The following AFF3 variants were observed in gnomAD, a reference collection of about 807,000 sequenced individuals.
The protein encoded by AFF3 is ALF transcription elongation factor 3.
AFF3 carries 32 observed loss-of-function variants against 129.7 expected under a neutral mutation model. The observed-to-expected ratio is 0.25, with a 90% CI of 0.19 to 0.33. The LOEUF is 0.33. Ranked by LOEUF, AFF3 falls within the 10% of genes least tolerant of loss-of-function variation. The pLI is 1.00. For synonymous variants in AFF3, 644 were observed against 635.4 expected (o/e 1.01, Z -0.20); for missense variants, 1,373 against 1,592.0 (o/e 0.86, Z 2.34).
chr2:99,990,303 A>T (rs1254363163), intron 7 of AFF3, among the ~76,000 whole-genome samples: 1 of 152,216 alleles, frequency 6.6e-6, no homozygotes, highest in Non-Finnish European at 1.5e-5. Flanking sequence ...AACAGGATTT[A>T]CAAGTCTCTT....
rs72817057 is a variant in AFF3 at position 99,681,306 on chromosome 2, T to C, written c.1092-8717A>G. Among the ~76,000 whole-genome samples, 354 of 152,344 alleles carry C rather than the reference T, an allele frequency of 2.3e-3. 1 individual carries two copies. The highest frequency in any genetic ancestry group is 2.9e-3 in the African/African-American group (122 of 41,594). On this transcript the variant is annotated intron_variant, in intron 11 of 24. Coordinates refer to ENST00000672756, the MANE Select transcript of AFF3 (RefSeq NM_001386135.1). ...ATGAGACAATAAAGGTGAAAGCCCA[T>C]TGTAAACTGTAAAGCTTCATAGGAG...
chr2:99,940,862 C>T (rs550694114), intron 7 of AFF3, among the ~76,000 whole-genome samples: 8 of 152,212 alleles, frequency 5.3e-5, no homozygotes, highest in Non-Finnish European at 8.8e-5. Flanking sequence ...ACAACAGTGT[C>T]GAAAACCAAA....
intron 11 of AFF3, among the ~76,000 whole-genome samples, chr2:99,675,481 C>T (rs1480900437): frequency 6.6e-6 from 1 of 152,208 alleles, no homozygotes; most frequent in African/African-American, 2.4e-5. Context: ...GAGCAGGAAC[C>T]CTTTGCTTTA....
At chr2:99,553,786 T>A (rs1291337703) in intron 24 of AFF3, among the ~76,000 whole-genome samples, 1 of 151,630 alleles carries the variant, frequency 6.6e-6, no homozygotes, top group Non-Finnish European at 1.5e-5. Flanking sequence ...CGGTGGCACA[T>A]GCCTGTAGTC....
chr2:99,560,881 T>C lies in AFF3; in HGVS notation c.3120-445A>G, dbSNP rs571020517. ...GATTTACCCCTCTTTCTTTGTTATG[T>C]AACTTTTACTTTGACAGCTACATAA... On this transcript the variant is annotated intron_variant, in intron 20 of 24. Coordinates refer to ENST00000672756, the MANE Select transcript of AFF3 (RefSeq NM_001386135.1). Among the ~76,000 whole-genome samples, 5 of 152,378 alleles carry C rather than the reference T, an allele frequency of 3.3e-5. No individual in the cohort carries two copies. The East Asian group carries it at 9.6e-4, about 29-fold the overall frequency.
At chr2:99,721,538 A>AAG (rs397754897) in intron 11 of AFF3, among the ~76,000 whole-genome samples, 3 of 149,954 alleles carry the variant, frequency 2.0e-5, no homozygotes, top group African/African-American at 7.4e-5. Context: ...AAAAAAAAAA[A>AAG]GAAAAAAAAA....
At chr2:99,868,060 TG>T (rs1691580128) in intron 7 of AFF3, among the ~76,000 whole-genome samples, 1 of 151,368 alleles carries the variant, frequency 6.6e-6, no homozygotes, top group Non-Finnish European at 1.5e-5. Flanking sequence ...CTCGTGTACT[TG>T]AAGTATGTCA....
At chr2:100,083,233 A>C (rs1246429710) in intron 4 of AFF3, among the ~76,000 whole-genome samples, 2 of 152,188 alleles carry the variant, frequency 1.3e-5, no homozygotes, top group South Asian at 2.1e-4. Flanking sequence ...AGCAGTTGTG[A>C]CTTGCTACGA....
intron 11 of AFF3, among the ~76,000 whole-genome samples, chr2:99,696,475 C>A (rs1676279496): frequency 1.3e-5 from 2 of 152,168 alleles, no homozygotes; most frequent in Non-Finnish European, 2.9e-5. Flanking sequence ...ACAGTTATAT[C>A]TGCACCCATG....
At chr2:99,628,516 T>C (rs1234486793) in intron 13 of AFF3, among the ~76,000 whole-genome samples, 1 of 152,086 alleles carries the variant, frequency 6.6e-6, no homozygotes, top group African/African-American at 2.4e-5. Flanking sequence ...CAAAGATAAT[T>C]TGACTTCCTC....
chr2:100,013,235 A>G (rs1682703206), intron 4 of AFF3, among the ~76,000 whole-genome samples: 2 of 152,234 alleles, frequency 1.3e-5, no homozygotes, highest in Admixed American at 1.3e-4. Context: ...ACGTCTAAAC[A>G]TGAAACTGTC....
intron 7 of AFF3, among the ~76,000 whole-genome samples, chr2:99,958,750 G>T (rs1676913893): frequency 6.6e-6 from 1 of 152,068 alleles, no homozygotes; most frequent in South Asian, 2.1e-4. Context: ...CGTTTCACTA[G>T]AGGACCTTTC....
chr2:99,874,344 T>C (rs1204158581), intron 7 of AFF3, among the ~76,000 whole-genome samples: 1 of 152,184 alleles, frequency 6.6e-6, no homozygotes, highest in African/African-American at 2.4e-5. Context: ...TGTGTCTGTG[T>C]TCTCAAAATA....
chr2:99,957,961 G>A (rs533143745), intron 7 of AFF3, among the ~76,000 whole-genome samples: 1 of 152,268 alleles, frequency 6.6e-6, no homozygotes, highest in Non-Finnish European at 1.5e-5. Context: ...CTTTGCCACA[G>A]TAATTAAAAC....
At chr2:100,057,509 T>C (rs1414497321) in intron 4 of AFF3, among the ~76,000 whole-genome samples, 2 of 152,292 alleles carry the variant, frequency 1.3e-5, no homozygotes, top group Non-Finnish European at 2.9e-5. Context: ...ACATATCACA[T>C]GATAAATGCT....
At chr2:100,058,880 T>A (rs1335931778) in intron 4 of AFF3, among the ~76,000 whole-genome samples, 3 of 152,192 alleles carry the variant, frequency 2.0e-5, no homozygotes, top group African/African-American at 4.8e-5. Flanking sequence ...AAATCATGTA[T>A]CTGATAAGGG....
chr2:100,023,461 A>G (rs542660178), intron 4 of AFF3, among the ~76,000 whole-genome samples: 6 of 152,290 alleles, frequency 3.9e-5, no homozygotes, highest in Admixed American at 6.5e-5. Context: ...AACATACTAG[A>G]AAATTACTAA....
chr2:99,654,414 A>C (rs1033745000), intron 12 of AFF3, among the ~76,000 whole-genome samples: 6 of 152,198 alleles, frequency 3.9e-5, no homozygotes, highest in Admixed American at 2.6e-4. Flanking sequence ...AAAAACCTTC[A>C]GCTTTTGCAC....
chr2:100,132,239 A>G (rs1692454789), intron 1 of AFF3, among the ~76,000 whole-genome samples: 1 of 152,232 alleles, frequency 6.6e-6, no homozygotes, highest in South Asian at 2.1e-4. Context: ...GATTCCAAGT[A>G]TCCTCACAAC....
Sources: allele counts gnomAD v4.1 joint callset (sites outside exome capture counted in the v4.1 genomes callset), GRCh38; gene constraint gnomAD v4.1.1; transcripts MANE v1.5; gene names NCBI Gene and HGNC (gene_info 2026-07-23, HGNC 2026-07-21).